OSTF1: variants seen among roughly 807,000 people sequenced by gnomAD.
OSTF1 encodes osteoclast-stimulating factor 1.
OSTF1 carries 27 observed loss-of-function variants against 37.2 expected under a neutral mutation model. The ratio of observed to expected loss-of-function variants is 0.73; its 90% CI spans 0.54 to 1.00. The LOEUF is 1.00. OSTF1 is among the 50% of genes least tolerant of loss of function. The pLI is 0.00. For missense variants in OSTF1, 232 were observed against 253.8 expected, an observed-to-expected ratio of 0.91 and a Z score of 0.58; for synonymous variants, 82 against 89.2, an observed-to-expected ratio of 0.92 and a Z score of 0.46.
intron 1 of OSTF1, among the ~76,000 whole-genome samples, chr9:75,100,817 G>A (rs1564154556): frequency 6.6e-6 from 1 of 151,834 alleles, no homozygotes; most frequent in Non-Finnish European, 1.5e-5. Flanking sequence ...GTAAGAATTT[G>A]ACCGTGGAAG....
intron 2 of OSTF1, among the ~76,000 whole-genome samples, chr9:75,121,574 C>T (rs1825581415): frequency 6.6e-6 from 1 of 152,198 alleles, no homozygotes; most frequent in African/African-American, 2.4e-5. Flanking sequence ...GCATCTGGTA[C>T]AGCAGGTAGC....
chr9:75,130,325 A>C (rs1002793957), intron 3 of OSTF1, among the ~76,000 whole-genome samples: 1 of 152,196 alleles, frequency 6.6e-6, no homozygotes, highest in Non-Finnish European at 1.5e-5. Flanking sequence ...GTTTCATGTC[A>C]TCTCTTATTT....
In OSTF1 at chr9:75,129,631, C is replaced by T. The variant is rs565937854; in HGVS notation, c.133-947C>T. On this transcript the variant is annotated intron_variant, in intron 3 of 9. Transcript: ENST00000346234. ...ACTGATGACCAATTTATAGGCAATA[C>T]AGGGAACAGAGGAACATGCTTAATG... Among the ~76,000 whole-genome samples, 3 of 152,236 alleles carry T rather than the reference C, an allele frequency of 2.0e-5. No homozygotes were observed. In the South Asian group the frequency reaches 6.2e-4, roughly 32 times the overall value.
intron 1 of OSTF1, among the ~76,000 whole-genome samples, chr9:75,101,299 G>C (rs1416903244): frequency 2.0e-5 from 3 of 152,200 alleles, no homozygotes; most frequent in Non-Finnish European, 4.4e-5. Context: ...TTTTATGATA[G>C]GAATGTGGCT....
intron 3 of OSTF1, among the ~76,000 whole-genome samples, chr9:75,128,805 T>C (rs568794045): frequency 4.6e-5 from 7 of 151,520 alleles, no homozygotes; most frequent in African/African-American, 7.3e-5. Context: ...TACACAGATG[T>C]AAGATTAATG....
chr9:75,091,283 A>T (rs1824970658), intron 1 of OSTF1, among the ~76,000 whole-genome samples: 1 of 151,342 alleles, frequency 6.6e-6, no homozygotes, highest in South Asian at 2.1e-4. Flanking sequence ...TAGAGACAGG[A>T]TCCAGGCTGG....
intron 8 of OSTF1, among the ~76,000 whole-genome samples, chr9:75,139,323 AC>A (rs1825902233): frequency 6.6e-6 from 1 of 151,930 alleles, no homozygotes; most frequent in Non-Finnish European, 1.5e-5. Context: ...CGGATGAGCT[AC>A]TGTGCTGGCC....
intron 1 of OSTF1, among the ~76,000 whole-genome samples, chr9:75,097,375 C>T (rs1486450412): frequency 6.6e-6 from 1 of 152,132 alleles, no homozygotes; most frequent in Non-Finnish European, 1.5e-5. Flanking sequence ...CTCTTGAAAA[C>T]CTATTCTGTA....
At chr9:75,110,573 A>G (rs527601081) in intron 1 of OSTF1, among the ~76,000 whole-genome samples, 1 of 152,192 alleles carries the variant, frequency 6.6e-6, no homozygotes, top group Non-Finnish European at 1.5e-5. Flanking sequence ...TAAGTGTCTC[A>G]CACTTCTTAA....
chr9:75,128,103 G>T (rs1422923839), intron 3 of OSTF1, among the ~76,000 whole-genome samples: 1 of 151,548 alleles, frequency 6.6e-6, no homozygotes, highest in Non-Finnish European at 1.5e-5. Flanking sequence ...GAGAAATAGG[G>T]TATAATGAAC....
intron 1 of OSTF1, among the ~76,000 whole-genome samples, chr9:75,096,815 G>GT (rs1825095144): frequency 6.6e-6 from 1 of 152,184 alleles, no homozygotes; most frequent in African/African-American, 2.4e-5. Context: ...GCCCCTCTAG[G>GT]TTTTAGACAC....
At chr9:75,099,978 A>C (rs17630659) in intron 1 of OSTF1, among the ~76,000 whole-genome samples, 7,238 of 152,344 alleles carry the variant, frequency 0.048, 219 homozygotes, top group Middle Eastern at 0.082. Context: ...CATAGTTGAA[A>C]ATTATTATAG....
intron 1 of OSTF1, among the ~76,000 whole-genome samples, chr9:75,103,845 G>A (rs1443280322): frequency 6.6e-6 from 1 of 152,154 alleles, no homozygotes; most frequent in African/African-American, 2.4e-5. Context: ...GTGTTGCCCA[G>A]GCTGGTCTCA....
At chr9:75,142,760 T>C (rs1032735067) in intron 9 of OSTF1, among the ~76,000 whole-genome samples, 5 of 152,128 alleles carry the variant, frequency 3.3e-5, no homozygotes, top group African/African-American at 1.2e-4. Context: ...AGCCAAGAAA[T>C]GAGTTTTTAT....
chr9:75,096,706 T>C (rs1333825287), intron 1 of OSTF1, among the ~76,000 whole-genome samples: 1 of 152,240 alleles, frequency 6.6e-6, no homozygotes, highest in Admixed American at 6.5e-5. Context: ...AATGTGTGTG[T>C]GTCTTCGAGG....
intron 1 of OSTF1, among the ~76,000 whole-genome samples, chr9:75,103,162 A>C (rs1407342364): frequency 6.6e-6 from 1 of 152,182 alleles, no homozygotes; most frequent in East Asian, 1.9e-4. Context: ...GTGTGGTGGC[A>C]TGTGCCTGTG....
intron 1 of OSTF1, among the ~76,000 whole-genome samples, chr9:75,117,180 A>C (rs1825504400): frequency 6.6e-6 from 1 of 152,214 alleles, no homozygotes; most frequent in Admixed American, 6.5e-5. Flanking sequence ...TCATCATCTT[A>C]AACATTTATC....
At position 75,109,023 on chromosome 9, in the gene OSTF1, C is replaced by CTT. The variant is rs1057097433; in HGVS notation, c.35-8466_35-8465dup. Among the ~76,000 whole-genome samples the CTT allele has an allele frequency of 2.4e-4, 33 of 135,392 alleles. 1 individual carries two copies. The Middle Eastern group carries it at 0.024, about 97-fold the overall frequency. 88.8% of individuals were successfully genotyped at this position (135,392 alleles called of 152,430 possible). ...TTTTGGATAAAATCTCAGGTTTATT[C>CTT]TTTTTTTTTTTTTTTTGGGTGGAGT... is the stretch of plus-strand genomic sequence containing the variant. On this transcript the variant is annotated intron_variant, in intron 1 of 9. Coordinates refer to ENST00000346234, the MANE Select transcript of OSTF1 (RefSeq NM_012383.5).
At chr9:75,108,376 T>C (rs1825328411) in intron 1 of OSTF1, among the ~76,000 whole-genome samples, 1 of 150,616 alleles carries the variant, frequency 6.6e-6, no homozygotes, top group Admixed American at 6.6e-5. Context: ...CAGGGTAACT[T>C]TTTTTTTTAA....
Sources: gnomAD v4.1 joint callset for allele counts (sites outside exome capture counted in the v4.1 genomes callset) on GRCh38, gnomAD v4.1.1 for gene constraint, MANE v1.5 for transcripts, NCBI Gene and HGNC (gene_info 2026-07-23, HGNC 2026-07-21) for gene names.